The following UBAC2 variants were observed in gnomAD, a reference collection of about 807,000 sequenced individuals.
UBAC2 encodes the protein UBA domain containing 2, also known as ubiquitin-associated domain-containing protein 2.
UBAC2 carries 26 observed loss-of-function variants against 44.0 expected under a neutral mutation model. The observed-to-expected ratio is 0.59, with a 90% CI of 0.43 to 0.82. UBAC2 has a LOEUF of 0.82. Among genes scored for constraint, UBAC2 ranks in the 40% least tolerant of loss-of-function variants. The pLI, the probability that UBAC2 is intolerant of heterozygous loss-of-function variation, is 0.00. For synonymous variants in UBAC2, 155 were observed against 154.3 expected, an observed-to-expected ratio of 1.00 and a Z score of -0.04; for missense variants, 329 against 419.4, an observed-to-expected ratio of 0.78 and a Z score of 1.88.
intron 6 of UBAC2, among the ~76,000 whole-genome samples, chr13:99,338,304 C>T (rs140536323): frequency 7.4e-4 from 113 of 152,072 alleles, no homozygotes; most frequent in African/African-American, 2.6e-3. Context: ...GTGATCCGCC[C>T]GCCTTGGCCT....
At chr13:99,267,672 A>C (rs1326662035) in intron 4 of UBAC2, among the ~76,000 whole-genome samples, 1 of 152,206 alleles carries the variant, frequency 6.6e-6, no homozygotes, top group Non-Finnish European at 1.5e-5. Flanking sequence ...TTATTATTAT[A>C]GTCATTTGAA....
At chr13:99,334,026 C>T (rs966716348) in intron 6 of UBAC2, among the ~76,000 whole-genome samples, 4 of 152,192 alleles carry the variant, frequency 2.6e-5, no homozygotes, top group African/African-American at 7.2e-5. Flanking sequence ...TAGCTCACTA[C>T]AACCTCGAAT....
chr13:99,379,996 T>C (rs955598298), intron 8 of UBAC2, among the ~76,000 whole-genome samples: 2 of 152,146 alleles, frequency 1.3e-5, no homozygotes, highest in African/African-American at 4.8e-5. Flanking sequence ...TGGCATGTGC[T>C]TGCGTGGGGG....
rs1279283918 is a variant in UBAC2, at chr13:99,231,761, C to T, written c.32-6666C>T. On this transcript the variant is annotated intron_variant, in intron 1 of 8. Transcript: ENST00000403766. Reference sequence around the variant, plus strand: ...TTGACTAGTTCCCTCTTTTGATGATCTATTTTTGTAAAATGTCACATGAAT... The same window carrying T: ...TTGACTAGTTCCCTCTTTTGATGATTTATTTTTGTAAAATGTCACATGAAT... Among the ~76,000 whole-genome samples the T allele has an allele frequency of 3.3e-5, 5 of 152,202 alleles. No individual in the cohort carries two copies. The East Asian group carries it at 9.6e-4, about 29-fold the overall frequency.
intron 7 of UBAC2, among the ~76,000 whole-genome samples, chr13:99,362,091 T>G (rs559634925): frequency 9.2e-5 from 14 of 152,362 alleles, no homozygotes; most frequent in African/African-American, 3.4e-4. Context: ...ATTTATATTA[T>G]TTACATAAAC....
intron 4 of UBAC2, among the ~76,000 whole-genome samples, chr13:99,285,519 A>T (rs545047898): frequency 1.0e-3 from 158 of 151,952 alleles, no homozygotes; most frequent in African/African-American, 3.7e-3. Context: ...TAGCCTCCTG[A>T]GTAGCTAGGA....
chr13:99,241,277 A>T (rs1196412607), intron 2 of UBAC2, among the ~76,000 whole-genome samples: 2 of 151,942 alleles, frequency 1.3e-5, no homozygotes, highest in South Asian at 4.1e-4. Flanking sequence ...AAAAAAAAAA[A>T]AAAAAAGAAA....
intron 1 of UBAC2, among the ~76,000 whole-genome samples, chr13:99,212,377 T>C (rs912972155): frequency 8.5e-5 from 13 of 152,310 alleles, no homozygotes; most frequent in Middle Eastern, 3.4e-3. Flanking sequence ...ATCATGATTT[T>C]CCCCCCAGAT....
At chr13:99,237,454 A>T (rs1308559468) in intron 1 of UBAC2, among the ~76,000 whole-genome samples, 2 of 152,192 alleles carry the variant, frequency 1.3e-5, no homozygotes, top group East Asian at 3.9e-4. Flanking sequence ...GAAGACAGAG[A>T]GTAGGTTGGT....
In UBAC2 at chr13:99,238,551, C is replaced by G. The variant is rs776806085; in HGVS notation, c.156C>G (p.Phe52Leu). The change falls in exon 2 of 9, where the codon TTC (phenylalanine) becomes TTG (leucine). Residue 52 changes from phenylalanine (F) to leucine (L), a missense_variant. Transcript: ENST00000403766. ...ACCTTCACGCAGTCAAGAACGACTTCCAGGTAAGCTCTGCCTCATTGGCCC... is the reference window on the plus strand; with the variant it reads ...ACCTTCACGCAGTCAAGAACGACTTGCAGGTAAGCTCTGCCTCATTGGCCC... Reference protein sequence around the residue: ...VYDLHAVKNDFQIWRLICGRI... With the variant: ...VYDLHAVKNDLQIWRLICGRI... The G allele has an allele frequency of 6.2e-7, 1 of 1,606,972 alleles. No individual in the cohort carries two copies. Among genetic ancestry groups the G allele is most frequent in the Non-Finnish European group, 8.5e-7 (1 of 1,176,008 alleles).
chr13:99,375,084 A>T (rs1241351017), intron 8 of UBAC2, among the ~76,000 whole-genome samples: 1 of 152,212 alleles, frequency 6.6e-6, no homozygotes, highest in Non-Finnish European at 1.5e-5. Context: ...CTCAAATAGT[A>T]ACCAACTTTT....
chr13:99,367,286 G>A lies in UBAC2; in HGVS notation c.808-501G>A, dbSNP rs182967010. On this transcript the variant is annotated intron_variant, in intron 7 of 8. Coordinates refer to ENST00000403766, the MANE Select transcript of UBAC2 (RefSeq NM_001144072.2). Reference sequence around the variant, plus strand: ...TCTGCAGTCTTCCTCCACTGTGTGCGCTCAGGATTTACTTCAGTCATAAGA... The same window carrying A: ...TCTGCAGTCTTCCTCCACTGTGTGCACTCAGGATTTACTTCAGTCATAAGA... Among the ~76,000 whole-genome samples, 523 of 152,274 alleles carry A rather than the reference G, an allele frequency of 3.4e-3. 5 individuals carry two copies. The highest frequency in any genetic ancestry group is 4.1e-3 in the Non-Finnish European group (280 of 68,020).
intron 6 of UBAC2, among the ~76,000 whole-genome samples, chr13:99,336,154 T>C (rs913547922): frequency 6.6e-5 from 10 of 152,358 alleles, no homozygotes; most frequent in Non-Finnish European, 8.8e-5. Context: ...AGTTTTCTCT[T>C]CTGAAATTAC....
chr13:99,302,446 T>C (rs1326885518), intron 4 of UBAC2, among the ~76,000 whole-genome samples: 3 of 152,216 alleles, frequency 2.0e-5, no homozygotes, highest in Admixed American at 1.3e-4. Flanking sequence ...ACAAACCTGC[T>C]CCAGGGAAGA....
intron 4 of UBAC2, among the ~76,000 whole-genome samples, chr13:99,261,371 G>A (rs1040214541): frequency 6.6e-6 from 1 of 152,212 alleles, no homozygotes; most frequent in Admixed American, 6.5e-5. Flanking sequence ...TTGGGTGTGG[G>A]TGTAGGGGAG....
chr13:99,213,485 C>T (rs925980312), intron 1 of UBAC2, among the ~76,000 whole-genome samples: 7 of 151,514 alleles, frequency 4.6e-5, no homozygotes, highest in African/African-American at 9.7e-5. Context: ...CTCAGCCTCC[C>T]GAGTAGTTGG....
intron 1 of UBAC2, chr13:99,215,570 G>C: frequency 7.2e-7 from 1 of 1,392,862 alleles, no homozygotes; most frequent in Non-Finnish European, 1.0e-6. Flanking sequence ...GTCCCTCTGC[G>C]GTGAGGTACT....
intron 4 of UBAC2, among the ~76,000 whole-genome samples, chr13:99,292,859 C>T (rs906118250): frequency 9.2e-5 from 14 of 152,214 alleles, no homozygotes; most frequent in African/African-American, 2.9e-4. Flanking sequence ...TTGTGATTTT[C>T]AAACAGTATG....
intron 6 of UBAC2, among the ~76,000 whole-genome samples, chr13:99,319,600 G>T (rs1428869838): frequency 1.3e-5 from 2 of 152,184 alleles, no homozygotes; most frequent in Non-Finnish European, 2.9e-5. Flanking sequence ...GGGGCTCCAA[G>T]TCACTTTGTT....
Sources: gnomAD v4.1 joint callset for allele counts (sites outside exome capture counted in the v4.1 genomes callset) on GRCh38, gnomAD v4.1.1 for gene constraint, MANE v1.5 for transcripts, NCBI Gene and HGNC (gene_info 2026-07-23, HGNC 2026-07-21) for gene names.